Variants in AMBRA1 observed in about 807,000 individuals in gnomAD.
The protein encoded by AMBRA1 is activating molecule in BECN1-regulated autophagy protein 1.
A neutral mutation model predicts 125.4 loss-of-function variants in AMBRA1; 47 were observed. The ratio of observed to expected loss-of-function variants is 0.37; its 90% CI spans 0.30 to 0.48. AMBRA1 has a LOEUF of 0.48. Ranked by LOEUF, AMBRA1 falls within the 20% of genes least tolerant of loss-of-function variation. AMBRA1 has a pLI of 0.99. For synonymous variants in AMBRA1, 626 were observed against 655.5 expected (o/e 0.95, Z 0.69); for missense variants, 1,331 against 1,693.4 (o/e 0.79, Z 3.76).
At chr11:46,516,453 C>T (rs1460190984) in intron 7 of AMBRA1, among the ~76,000 whole-genome samples, 1 of 102,172 alleles carries the variant, frequency 9.8e-6, no homozygotes, top group East Asian at 2.9e-4. Flanking sequence ...TTTTTTGAGA[C>T]GGTGTCTCGC....
chr11:46,435,956 T>C (rs189042705), intron 12 of AMBRA1, among the ~76,000 whole-genome samples: 2 of 152,346 alleles, frequency 1.3e-5, no homozygotes, highest in East Asian at 1.9e-4. Context: ...TTACCCTTGA[T>C]GTGAGCATAG....
Position 46,550,215 on chromosome 11 carries a change from G to A in AMBRA1, c.-120-1715C>T, listed in dbSNP as rs1472732346. Among the ~76,000 whole-genome samples the A allele has an allele frequency of 5.3e-5, 8 of 152,278 alleles. No individual in the cohort carries two copies. In the South Asian group the frequency reaches 8.3e-4, roughly 16 times the overall value. Reference sequence around the variant, plus strand: ...GTTTCCTCATAGTAGCATTTAGCTTGCCTCTCTATACCTTTATTTCCTGTA... The same window carrying A: ...GTTTCCTCATAGTAGCATTTAGCTTACCTCTCTATACCTTTATTTCCTGTA... On this transcript the variant is annotated intron_variant, in intron 1 of 17. Transcript: ENST00000683756.
intron 14 of AMBRA1, among the ~76,000 whole-genome samples, chr11:46,426,839 C>G (rs899064121): frequency 6.6e-6 from 1 of 152,180 alleles, no homozygotes; most frequent in African/African-American, 2.4e-5. Context: ...TAAATCATTT[C>G]TGACAACAAA....
chr11:46,404,994 C>G (rs759574792), intron 17 of AMBRA1, among the ~76,000 whole-genome samples: 2 of 152,212 alleles, frequency 1.3e-5, no homozygotes, highest in African/African-American at 4.8e-5. Context: ...TCACTCCCAG[C>G]CCAGTCCCAG....
At chr11:46,470,173 T>C (rs1335647609) in intron 11 of AMBRA1, among the ~76,000 whole-genome samples, 1 of 152,154 alleles carries the variant, frequency 6.6e-6, no homozygotes, top group Non-Finnish European at 1.5e-5. Flanking sequence ...CTGGACACCA[T>C]GGCTCATGCC....
intron 7 of AMBRA1, among the ~76,000 whole-genome samples, chr11:46,527,286 C>T (rs1039959156): frequency 7.2e-5 from 11 of 151,728 alleles, no homozygotes; most frequent in Non-Finnish European, 2.9e-5. Flanking sequence ...TCGAGACCAG[C>T]CTAGGTAACA....
At chr11:46,523,866 T>A in intron 7 of AMBRA1, among the ~76,000 whole-genome samples, 1 of 152,148 alleles carries the variant, frequency 6.6e-6, no homozygotes, top group Non-Finnish European at 1.5e-5. Flanking sequence ...CATAGTTTTA[T>A]TCATTTATTT....
chr11:46,497,589 T>C (rs1275839618), intron 9 of AMBRA1, among the ~76,000 whole-genome samples: 1 of 152,166 alleles, frequency 6.6e-6, no homozygotes, highest in African/African-American at 2.4e-5. Flanking sequence ...ATGCTGCCTA[T>C]GGGAGAAAAG....
Position 46,501,769 on chromosome 11 carries a change from A to C in AMBRA1, c.2339+6422T>G, listed in dbSNP as rs567877859. Among the ~76,000 whole-genome samples the C allele has an allele frequency of 7.2e-5, 11 of 152,216 alleles. No individual in the cohort carries two copies. In the South Asian group the frequency reaches 1.9e-3, roughly 26 times the overall value. On this transcript the variant is annotated intron_variant, in intron 9 of 17. Coordinates refer to ENST00000683756, the MANE Select transcript of AMBRA1 (RefSeq NM_001387011.1). ...CAGCTCACATTTATTTCAATGTTTA[A>C]TATAAGAAGTGTTTTGGGTGTTTTA...
At chr11:46,467,557 T>A (rs1384324254) in intron 11 of AMBRA1, among the ~76,000 whole-genome samples, 3 of 151,572 alleles carry the variant, frequency 2.0e-5, no homozygotes, top group African/African-American at 7.3e-5. Context: ...CTCTTTTTTT[T>A]TTTTTTTTTG....
intron 1 of AMBRA1, among the ~76,000 whole-genome samples, chr11:46,556,908 G>A (rs534878873): frequency 5.3e-5 from 8 of 152,112 alleles, no homozygotes; most frequent in Middle Eastern, 6.8e-3. Context: ...AGGCTGAGGC[G>A]GGTGGATCAC....
chr11:46,484,937 GC>G (rs1433908775), intron 11 of AMBRA1, among the ~76,000 whole-genome samples: 1 of 149,068 alleles, frequency 6.7e-6, no homozygotes, highest in Non-Finnish European at 1.5e-5. Context: ...GAGCCACTGT[GC>G]CCAGGCTTTT....
intron 1 of AMBRA1, among the ~76,000 whole-genome samples, chr11:46,549,497 G>A (rs2042924893): frequency 6.6e-6 from 1 of 151,542 alleles, no homozygotes; most frequent in African/African-American, 2.4e-5. Context: ...GTATAATTTT[G>A]GAATTATTTC....
At chr11:46,474,634 C>T (rs1949740491) in intron 11 of AMBRA1, among the ~76,000 whole-genome samples, 1 of 152,152 alleles carries the variant, frequency 6.6e-6, no homozygotes, top group Non-Finnish European at 1.5e-5. Context: ...GTGATCCACC[C>T]ACCTCGGCCT....
At chr11:46,556,214 T>C (rs183646881) in intron 1 of AMBRA1, among the ~76,000 whole-genome samples, 1 of 152,180 alleles carries the variant, frequency 6.6e-6, no homozygotes, top group African/African-American at 2.4e-5. Context: ...AATAGGACTT[T>C]CCTACGGCCA....
At chr11:46,499,676 A>C (rs1345151218) in intron 9 of AMBRA1, among the ~76,000 whole-genome samples, 1 of 150,806 alleles carries the variant, frequency 6.6e-6, no homozygotes, top group East Asian at 1.9e-4. Flanking sequence ...CTTTTTTTTG[A>C]GATGGAGTCT....
At chr11:46,477,948 A>G (rs760177880) in intron 11 of AMBRA1, among the ~76,000 whole-genome samples, 1 of 151,916 alleles carries the variant, frequency 6.6e-6, no homozygotes, top group African/African-American at 2.4e-5. Context: ...TAATTTTTGT[A>G]TTTTAAAAGA....
chr11:46,548,187 A>C, intron 2 of AMBRA1, 59 bp downstream of exon 2: 1 of 1,607,630 alleles, frequency 6.2e-7, no homozygotes, highest in East Asian at 2.2e-5. Flanking sequence ...ACCCATTCTA[A>C]GGTCTCATTC....
At chr11:46,577,804 G>A (rs1380156084) in intron 1 of AMBRA1, among the ~76,000 whole-genome samples, 1 of 151,832 alleles carries the variant, frequency 6.6e-6, no homozygotes, top group Non-Finnish European at 1.5e-5. Context: ...TACAAAATGT[G>A]CCGGGCATCG....
Sources: allele counts gnomAD v4.1 joint callset (sites outside exome capture counted in the v4.1 genomes callset), GRCh38; gene constraint gnomAD v4.1.1; transcripts MANE v1.5; gene names NCBI Gene and HGNC (gene_info 2026-07-23, HGNC 2026-07-21).